Variants in SH3BGR observed in about 807,000 individuals in gnomAD.
SH3BGR encodes the protein SH3 domain binding glutamate rich protein, also known as SH3 domain-binding glutamic acid-rich protein.
SH3BGR carries 29 observed loss-of-function variants against 24.5 expected under a neutral mutation model. That is an observed-to-expected ratio of 1.18 (90% CI 0.88 to 1.61). SH3BGR has a LOEUF of 1.61. Among genes scored for constraint, SH3BGR ranks in the 40% most tolerant of loss-of-function variants. SH3BGR has a pLI of 0.00. For synonymous variants in SH3BGR, 55 were observed against 65.7 expected (o/e 0.84, Z 0.79); for missense variants, 162 against 205.8 (o/e 0.79, Z 1.30).
At chr21:39,446,343 A>G (rs984812410) in intron 1 of SH3BGR, among the ~76,000 whole-genome samples, 27 of 152,160 alleles carry the variant, frequency 1.8e-4, no homozygotes, top group African/African-American at 6.3e-4. Flanking sequence ...GAAGACTTAC[A>G]TTGTTTCCTT....
intron 3 of SH3BGR, among the ~76,000 whole-genome samples, chr21:39,492,366 A>G (rs1456699778): frequency 6.6e-6 from 1 of 152,082 alleles, no homozygotes; most frequent in Non-Finnish European, 1.5e-5. Context: ...TTCACTTAGA[A>G]TAATAGTCTC....
chr21:39,456,680 G>A (rs1350257764), intron 1 of SH3BGR, among the ~76,000 whole-genome samples: 1 of 152,176 alleles, frequency 6.6e-6, no homozygotes, highest in African/African-American at 2.4e-5. Context: ...TGGGGAGCAC[G>A]CACCTCCTCC....
chr21:39,445,890 G>T (rs1156778838), upstream of SH3BGR: 1 of 152,394 alleles, frequency 6.6e-6, no homozygotes, highest in Non-Finnish European at 1.5e-5. Flanking sequence ...CTTGGGCCTG[G>T]AGGTCAGTGT....
At chr21:39,495,786 A>C (rs1444669982) in intron 3 of SH3BGR, among the ~76,000 whole-genome samples, 2 of 152,194 alleles carry the variant, frequency 1.3e-5, no homozygotes, top group Middle Eastern at 3.2e-3. Flanking sequence ...TCCTTCTGAA[A>C]AGTCTAAATA....
At chr21:39,491,995 C>T (rs1213366255) in intron 3 of SH3BGR, 1 of 152,356 alleles carries the variant, frequency 6.6e-6, no homozygotes, top group East Asian at 1.9e-4. Flanking sequence ...TTTAGACTTC[C>T]TTTTTAACTT....
chr21:39,449,225 G>C (rs1025888078), upstream of SH3BGR, among the ~76,000 whole-genome samples: 5 of 152,222 alleles, frequency 3.3e-5, no homozygotes, highest in Non-Finnish European at 5.9e-5. Context: ...GGCTGACTCT[G>C]TAAGACACAG....
chr21:39,512,101 T>C lies in SH3BGR; in HGVS notation c.*34+292T>C, dbSNP rs114967761. On this transcript the variant is annotated intron_variant, in intron 6 of 6. Coordinates refer to ENST00000333634, the MANE Select transcript of SH3BGR (RefSeq NM_007341.3). The stretch of plus-strand genomic sequence containing the variant: ...TGCAGGGAAGAGTTTTGTTTTGCAT[T>C]TACTTCCTCCTCTTCCTCTATATAA... Among the ~76,000 whole-genome samples the C allele has an allele frequency of 3.7e-3, 564 of 152,258 alleles. 4 individuals carry two copies. Among genetic ancestry groups the C allele is most frequent in the African/African-American group, 0.013 (538 of 41,550 alleles).
rs2078101702 is a variant in SH3BGR, at chr21:39,479,764, C to T, written c.312+4549C>T. On this transcript the variant is annotated intron_variant, in intron 3 of 6. Coordinates refer to ENST00000333634, the MANE Select transcript of SH3BGR (RefSeq NM_007341.3). ...GGGAAACTAAATCTACTTCTTCTTTCTCTCACATCGCTCTTTGTAAGCAAT... is the reference window on the plus strand; with the variant it reads ...GGGAAACTAAATCTACTTCTTCTTTTTCTCACATCGCTCTTTGTAAGCAAT... Among the ~76,000 whole-genome samples the T allele has an allele frequency of 3.9e-5, 6 of 152,272 alleles. 1 individual carries two copies. In the South Asian group the frequency reaches 8.3e-4, roughly 21 times the overall value.
At chr21:39,480,411 A>G (rs12482418) in intron 3 of SH3BGR, among the ~76,000 whole-genome samples, 84,495 of 152,072 alleles carry the variant, frequency 0.56, 23,884 homozygotes, top group East Asian at 0.68. Flanking sequence ...GGCTTGCCTC[A>G]TCTGAGCATT....
At chr21:39,445,896 A>G (rs1015577756), upstream of SH3BGR, 1 of 152,138 alleles carries the variant, frequency 6.6e-6, no homozygotes, top group Non-Finnish European at 1.5e-5. Context: ...CCTGGAGGTC[A>G]GTGTGGCCTC....
At chr21:39,495,002 A>T in intron 3 of SH3BGR, among the ~76,000 whole-genome samples, 1 of 151,210 alleles carries the variant, frequency 6.6e-6, no homozygotes, top group Non-Finnish European at 1.5e-5. Context: ...TAATTTTTTT[A>T]TTTCATATAT....
At chr21:39,469,913 C>T (rs906452692) in intron 2 of SH3BGR, among the ~76,000 whole-genome samples, 1 of 152,084 alleles carries the variant, frequency 6.6e-6, no homozygotes, top group Non-Finnish European at 1.5e-5. Flanking sequence ...GCCTTGGCCT[C>T]CCAAAGTGCA....
intron 2 of SH3BGR, among the ~76,000 whole-genome samples, chr21:39,463,366 G>T (rs146826220): frequency 3.4e-4 from 51 of 152,198 alleles, no homozygotes; most frequent in African/African-American, 1.2e-3. Context: ...AGAGTTTATA[G>T]ATCATACTTA....
At chr21:39,453,696 C>T (rs2077610769) in intron 1 of SH3BGR, among the ~76,000 whole-genome samples, 1 of 152,172 alleles carries the variant, frequency 6.6e-6, no homozygotes, top group Non-Finnish European at 1.5e-5. Flanking sequence ...GCAAATGTTT[C>T]AGTGCCACTT....
intron 3 of SH3BGR, among the ~76,000 whole-genome samples, chr21:39,491,094 CAATT>C (rs1240967478): frequency 3.3e-5 from 5 of 152,276 alleles, no homozygotes; most frequent in African/African-American, 1.2e-4. Context: ...AGTTCATTAA[CAATT>C]AATCATTGAC....
chr21:39,506,511 C>T (rs1039411886), intron 4 of SH3BGR, among the ~76,000 whole-genome samples: 2 of 152,128 alleles, frequency 1.3e-5, no homozygotes, highest in South Asian at 4.1e-4. Flanking sequence ...ATGGACTCAC[C>T]GTTCCACATG....
At chr21:39,475,922 G>T (rs1215639200) in intron 3 of SH3BGR, among the ~76,000 whole-genome samples, 1 of 152,186 alleles carries the variant, frequency 6.6e-6, no homozygotes, top group Non-Finnish European at 1.5e-5. Flanking sequence ...GGACCATATT[G>T]AGGGGGGAAG....
At chr21:39,462,114 G>T (rs2077765164) in intron 1 of SH3BGR, among the ~76,000 whole-genome samples, 1 of 152,138 alleles carries the variant, frequency 6.6e-6, no homozygotes, top group South Asian at 2.1e-4. Flanking sequence ...CTCCCAAAGT[G>T]CTGGGATTAC....
chr21:39,453,251 G>A, intron 1 of SH3BGR, among the ~76,000 whole-genome samples: 1 of 152,180 alleles, frequency 6.6e-6, no homozygotes, highest in East Asian at 1.9e-4. Context: ...GTACAACTGA[G>A]CAGCTATTGT....
Sources: allele counts gnomAD v4.1 joint callset (sites outside exome capture counted in the v4.1 genomes callset), GRCh38; gene constraint gnomAD v4.1.1; transcripts MANE v1.5; gene names NCBI Gene and HGNC (gene_info 2026-07-23, HGNC 2026-07-21).